The following MBP variants were observed in gnomAD, a reference collection of about 807,000 sequenced individuals.
MBP encodes myelin basic protein.
A neutral mutation model predicts 35.8 loss-of-function variants in MBP; 16 were observed. That is an observed-to-expected ratio of 0.45 (90% CI 0.30 to 0.68). The LOEUF is 0.68. MBP is among the 30% of genes least tolerant of loss of function. MBP has a pLI of 0.08. For missense variants in MBP, 380 were observed against 404.7 expected (o/e 0.94, Z 0.52); for synonymous variants, 143 against 159.6 (o/e 0.90, Z 0.78).
In MBP at chr18:77,103,867, G is replaced by C. The variant is rs77217789; in HGVS notation, c.51+1344C>G. 1.4e-4 allele frequency among the ~76,000 whole-genome samples: 21 copies of C among 152,366 alleles called. No individual in the cohort carries two copies. The East Asian group carries it at 3.3e-3, about 24-fold the overall frequency. On this transcript the variant is annotated intron_variant, in intron 2 of 8. Coordinates refer to ENST00000355994, the MANE Select transcript of MBP (RefSeq NM_001025101.2). Reference sequence around the variant, plus strand: ...GCACTACAGGGGAACCGAAGGCAACGTAGAGAATCCAGATCAGACAGAGGA... The same window carrying C: ...GCACTACAGGGGAACCGAAGGCAACCTAGAGAATCCAGATCAGACAGAGGA...
At chr18:77,130,638 A>G (rs1249802711) in intron 1 of MBP, among the ~76,000 whole-genome samples, 1 of 152,114 alleles carries the variant, frequency 6.6e-6, no homozygotes, top group Non-Finnish European at 1.5e-5. Flanking sequence ...ATTAACATTT[A>G]CAAATTCAGG....
intron 1 of MBP, among the ~76,000 whole-genome samples, chr18:77,118,319 C>T (rs1266479736): frequency 6.6e-6 from 1 of 151,900 alleles, no homozygotes; most frequent in African/African-American, 2.4e-5. Context: ...ACTGCTTGGT[C>T]TCTCTGAGCT....
intron 1 of MBP, among the ~76,000 whole-genome samples, chr18:77,119,406 C>T (rs114543260): frequency 0.017 from 2,581 of 152,280 alleles, 68 homozygotes; most frequent in African/African-American, 0.058. Context: ...CCACAGCACA[C>T]AGCAGGCACA....
intron 7 of MBP, 153 bp from the exon 8 acceptor site, chr18:76,985,047 A>AG: frequency 6.7e-7 from 1 of 1,484,614 alleles, no homozygotes; most frequent in Non-Finnish European, 9.1e-7. Flanking sequence ...CACCACGCTG[A>AG]GGGGGTGGGG....
In MBP at chr18:76,989,830, G is replaced by T; in HGVS notation, c.681+126C>A. On this transcript the variant is annotated intron_variant, in intron 5 of 8. Coordinates refer to ENST00000355994, the MANE Select transcript of MBP (RefSeq NM_001025101.2). This position sits in a 1 kb window ranked among gnomAD's most constrained non-coding sequence, Gnocchi z 4.0. ...GTGCGAGGGGGGAGTTCCCCGGCCGGCCTCACCCTGATGATGACCCCGGTG... is the reference window on the plus strand; with the variant it reads ...GTGCGAGGGGGGAGTTCCCCGGCCGTCCTCACCCTGATGATGACCCCGGTG... 1 of 761,908 alleles carries T rather than the reference G, an allele frequency of 1.3e-6. No homozygotes were observed. The highest frequency in any genetic ancestry group is 2.2e-6 in the Non-Finnish European group (1 of 449,574). 47.2% of individuals were successfully genotyped at this position (761,908 alleles called of 1,614,324 possible). A position where few individuals can be genotyped will look rare whatever the true frequency, so the allele number is the denominator to read the frequency against.
At chr18:76,980,633 TC>T in intron 8 of MBP, 162 bp from the exon 9 acceptor site, 1 of 614,974 alleles carries the variant, frequency 1.6e-6, no homozygotes, top group Non-Finnish European at 2.9e-6. Context: ...ATTCCATTTC[TC>T]CCGACCTCCC....
chr18:77,001,167 C>T (rs1449986289), intron 4 of MBP, among the ~76,000 whole-genome samples: 3 of 152,210 alleles, frequency 2.0e-5, no homozygotes, highest in Non-Finnish European at 4.4e-5. Context: ...CCCGCCCACC[C>T]GGTTCCCACT....
rs1465261842 is a variant in MBP at position 76,989,045 on chromosome 18, A to T, written c.682-133T>A. The T allele has an allele frequency of 1.2e-6, 1 of 802,840 alleles. No individual in the cohort carries two copies. Among genetic ancestry groups the T allele is most frequent in the South Asian group, 1.3e-5 (1 of 74,860 alleles). The allele number at this position is 802,840 out of a possible 1,614,324, so 49.7% of individuals were successfully genotyped here. On this transcript the variant is annotated intron_variant, in intron 5 of 8. Coordinates refer to ENST00000355994, the MANE Select transcript of MBP (RefSeq NM_001025101.2). This position sits in a 1 kb window ranked among gnomAD's most constrained non-coding sequence, Gnocchi z 4.0. ...AAGCACCCGGGTGCCCAGCCTCCCC[A>T]CTTCTGTCCTAGTTGGTGAAGAAGT...
intron 2 of MBP, among the ~76,000 whole-genome samples, chr18:77,090,329 C>T (rs546592613): frequency 6.6e-6 from 1 of 152,350 alleles, no homozygotes; most frequent in Non-Finnish European, 1.5e-5. Context: ...CCATTTGCCT[C>T]AGCCGACAAC....
intron 4 of MBP, among the ~76,000 whole-genome samples, chr18:76,992,911 C>T (rs80192240): frequency 0.037 from 5,629 of 152,290 alleles, 151 homozygotes; most frequent in Non-Finnish European, 0.056. Flanking sequence ...GGCTGTGCAT[C>T]CTCTGCCCTG....
chr18:77,021,506 T>TG (rs1971985563), intron 3 of MBP, among the ~76,000 whole-genome samples: 1 of 133,724 alleles, frequency 7.5e-6, no homozygotes, highest in Non-Finnish European at 1.5e-5. Context: ...TTTTTTGAGA[T>TG]GGAGTCTCAC....
chr18:77,048,104 G>A (rs470578), intron 3 of MBP, among the ~76,000 whole-genome samples: 45,154 of 151,854 alleles, frequency 0.3, 7,477 homozygotes, highest in African/African-American at 0.44. Context: ...AGCATCTCTC[G>A]TTTGACGCCC....
At chr18:76,984,578 A>C (rs899661062) in intron 8 of MBP, 197 bp downstream of exon 8, 1 of 682,118 alleles carries the variant, frequency 1.5e-6, no homozygotes, top group Non-Finnish European at 2.4e-6. Context: ...CCGGCTTCAC[A>C]TGCATCTCGG....
At chr18:77,122,450 G>C (rs899895656) in intron 1 of MBP, among the ~76,000 whole-genome samples, 8 of 152,196 alleles carry the variant, frequency 5.3e-5, no homozygotes, top group African/African-American at 1.9e-4. Flanking sequence ...GCTGGGAGAC[G>C]CTCAGGCAGC....
intron 4 of MBP, chr18:77,016,245 T>C (rs993604141): frequency 1.5e-5 from 15 of 985,002 alleles, no homozygotes; most frequent in Non-Finnish European, 1.8e-5. Context: ...AATCACAAGA[T>C]AATAAAGCTT....
intron 8 of MBP, chr18:76,983,972 G>A (rs1391808451): frequency 6.6e-6 from 1 of 152,262 alleles, no homozygotes; most frequent in Non-Finnish European, 1.5e-5. Flanking sequence ...GTCTCCTCCA[G>A]GATGAAAATG....
Position 76,988,994 on chromosome 18 carries a change from G to A in MBP, c.682-82C>T. On this transcript the variant is annotated intron_variant, in intron 5 of 8. Transcript: ENST00000355994. The surrounding 1 kb of genome is among the most constrained non-coding windows in gnomAD (Gnocchi z 5.2). ...TCCTAACGGGCTCCTGCCTGCTGAG[G>A]GTGGCTAGCATCCATCAGCTGCCAG... 7.2e-7 allele frequency: 1 copy of A among 1,381,734 alleles called. No homozygotes were observed. Among genetic ancestry groups the A allele is most frequent in the Non-Finnish European group, 1.0e-6 (1 of 968,188 alleles). The allele number at this position is 1,381,734 out of a possible 1,614,324, so 85.6% of individuals were successfully genotyped here. A position where few individuals can be genotyped will look rare whatever the true frequency, so the allele number is the denominator to read the frequency against.
intron 3 of MBP, among the ~76,000 whole-genome samples, chr18:77,062,534 A>G (rs1974024093): frequency 6.6e-6 from 1 of 151,976 alleles, no homozygotes; most frequent in African/African-American, 2.4e-5. Flanking sequence ...CAAATCACAG[A>G]AGATATTTGA....
At chr18:77,000,543 G>T (rs1247056803) in intron 4 of MBP, among the ~76,000 whole-genome samples, 5 of 152,170 alleles carry the variant, frequency 3.3e-5, no homozygotes, top group Non-Finnish European at 7.3e-5. Flanking sequence ...ATTTGTAAAA[G>T]AAATTCCTTT....
Sources: allele counts gnomAD v4.1 joint callset (sites outside exome capture counted in the v4.1 genomes callset), GRCh38; gene constraint gnomAD v4.1.1; non-coding constraint Gnocchi (gnomAD v3.1); transcripts MANE v1.5; gene names NCBI Gene and HGNC (gene_info 2026-07-23, HGNC 2026-07-21).